The following ARHGAP12 variants were observed in gnomAD, a reference collection of about 807,000 sequenced individuals.
ARHGAP12 encodes the protein rho GTPase-activating protein 12.
A neutral mutation model predicts 108.6 loss-of-function variants in ARHGAP12; 64 were observed. That is an observed-to-expected ratio of 0.59 (90% CI 0.48 to 0.73). ARHGAP12 has a LOEUF of 0.73. ARHGAP12 is among the 30% of genes least tolerant of loss of function. The probability of loss-of-function intolerance (pLI) is 0.00; values close to 1 mark genes in which losing one functional copy is unlikely to be tolerated. For missense variants in ARHGAP12, 940 were observed against 1,005.9 expected (o/e 0.93, Z 0.89); for synonymous variants, 312 against 337.2 (o/e 0.93, Z 0.82).
At chr10:31,898,629 A>C (rs760849213) in intron 3 of ARHGAP12, among the ~76,000 whole-genome samples, 4 of 152,232 alleles carry the variant, frequency 2.6e-5, no homozygotes, top group Non-Finnish European at 5.9e-5. Flanking sequence ...TGGTCCCATA[A>C]GATTATAATA....
Position 31,908,536 on chromosome 10 carries a change from A to T in ARHGAP12, c.320T>A (p.Val107Glu), listed in dbSNP as rs1296032954. Reference protein sequence around the residue: ...SLHLQRSTENVNKLPELSSFG... With the variant: ...SLHLQRSTENENKLPELSSFG... ...ACTTGAAAGCTCAGGCAATTTGTTCACATTTTCTGTTGATCTCTGAAGATG... is the reference window on the plus strand; with the variant it reads ...ACTTGAAAGCTCAGGCAATTTGTTCTCATTTTCTGTTGATCTCTGAAGATG... The change falls in exon 3 of 20, where the codon GTG becomes GAG. Residue 107 changes from valine (V) to glutamate (E), a missense_variant. Coordinates refer to ENST00000344936, the MANE Select transcript of ARHGAP12 (RefSeq NM_018287.7). 1 of 1,614,220 alleles carries T rather than the reference A, an allele frequency of 6.2e-7. No individual in the cohort carries two copies. Among genetic ancestry groups the T allele is most frequent in the Non-Finnish European group, 8.5e-7 (1 of 1,180,034 alleles).
chr10:31,927,148 C>T (rs1840081787), intron 1 of ARHGAP12, among the ~76,000 whole-genome samples: 1 of 152,094 alleles, frequency 6.6e-6, no homozygotes, highest in African/African-American at 2.4e-5. Context: ...CGGTCTGGCT[C>T]GTCAGGTGGC....
chr10:31,826,520 T>G, intron 10 of ARHGAP12, 135 bp from the exon 11 acceptor site: 1 of 653,756 alleles, frequency 1.5e-6, no homozygotes, highest in Non-Finnish European at 2.5e-6. Flanking sequence ...ATTGTTTTTA[T>G]TGGGGATAGA....
At chr10:31,846,649 G>T (rs1836469369) in intron 6 of ARHGAP12, among the ~76,000 whole-genome samples, 1 of 152,142 alleles carries the variant, frequency 6.6e-6, no homozygotes, top group Non-Finnish European at 1.5e-5. Flanking sequence ...TCAGGGGGAG[G>T]GAGGGTCTTT....
intron 1 of ARHGAP12, among the ~76,000 whole-genome samples, chr10:31,914,403 G>A (rs1253472057): frequency 1.3e-5 from 2 of 151,530 alleles, no homozygotes; most frequent in African/African-American, 2.4e-5. Flanking sequence ...ATCTGACAAG[G>A]GGCTAACATC....
At chr10:31,808,591 A>G (rs1356087854) in intron 19 of ARHGAP12, 58 bp downstream of exon 19, 12 of 1,494,744 alleles carry the variant, frequency 8.0e-6, no homozygotes, top group South Asian at 1.2e-5. Flanking sequence ...CTGGCCCCAC[A>G]GGCCTTCCCG....
intron 3 of ARHGAP12, among the ~76,000 whole-genome samples, chr10:31,895,013 T>C (rs1838620175): frequency 6.6e-6 from 1 of 152,206 alleles, no homozygotes; most frequent in Non-Finnish European, 1.5e-5. Flanking sequence ...ATTCCCTATT[T>C]AATAAATGGT....
intron 3 of ARHGAP12, among the ~76,000 whole-genome samples, chr10:31,876,137 C>T (rs1045372080): frequency 6.6e-6 from 1 of 152,198 alleles, no homozygotes; most frequent in Non-Finnish European, 1.5e-5. Context: ...CCCTGGCTTA[C>T]AGTTCTTTGG....
rs549051111 is a variant in ARHGAP12 at position 31,898,701 on chromosome 10, C to A, written c.684+9471G>T. ...ACAAATACTTAGCACTGTGTTATAA[C>A]TGCCTACAGTATTCAGGACAGTCAC... On this transcript the variant is annotated intron_variant, in intron 3 of 19. Coordinates refer to ENST00000344936, the MANE Select transcript of ARHGAP12 (RefSeq NM_018287.7). Among the ~76,000 whole-genome samples the A allele has an allele frequency of 7.2e-5, 11 of 152,280 alleles. 1 individual carries two copies. Among genetic ancestry groups the A allele is most frequent in the African/African-American group, 2.6e-4 (11 of 41,546 alleles).
At position 31,908,904 on chromosome 10, in the gene ARHGAP12, T is replaced by C; in HGVS notation, c.-49A>G. The C allele has an allele frequency of 6.8e-7, 1 of 1,471,564 alleles. No homozygotes were observed. The highest frequency in any genetic ancestry group is 9.1e-7 in the Non-Finnish European group (1 of 1,101,518). The allele number at this position is 1,471,564 out of a possible 1,614,324, so 91.2% of individuals were successfully genotyped here. On this transcript the variant is annotated 5_prime_UTR_variant, in exon 3 of 20. In the 5' UTR this introduces an upstream ATG that the reference lacks. Coordinates refer to ENST00000344936, the MANE Select transcript of ARHGAP12 (RefSeq NM_018287.7). The stretch of plus-strand genomic sequence containing the variant: ...AGGATGTTATACCACATTATGGCTT[T>C]ATGGCTTGTTGGATGAATATAGCTG...
chr10:31,884,115 A>G lies in ARHGAP12; in HGVS notation c.685-22457T>C, dbSNP rs954190770. Among the ~76,000 whole-genome samples the G allele has an allele frequency of 1.1e-4, 15 of 139,732 alleles. No homozygotes were observed. In the South Asian group the frequency reaches 3.1e-3, roughly 29 times the overall value. 91.7% of individuals were successfully genotyped at this position (139,732 alleles called of 152,430 possible). A position where few individuals can be genotyped will look rare whatever the true frequency, so the allele number is the denominator to read the frequency against. ...CACCTAAAAAAAAAAAAAAAAAAAG[A>G]ATTTAATTCTACGTATGGTTAAAAG... is the stretch of plus-strand genomic sequence containing the variant. On this transcript the variant is annotated intron_variant, in intron 3 of 19. Transcript: ENST00000344936.
At chr10:31,864,535 C>T (rs1277219043) in intron 3 of ARHGAP12, among the ~76,000 whole-genome samples, 1 of 152,156 alleles carries the variant, frequency 6.6e-6, no homozygotes, top group African/African-American at 2.4e-5. Context: ...ATATTCAGTA[C>T]ACTGCCCAGT....
intron 3 of ARHGAP12, among the ~76,000 whole-genome samples, chr10:31,886,448 A>G (rs1261197318): frequency 6.6e-6 from 1 of 152,178 alleles, no homozygotes. Flanking sequence ...TGGCCTTTAA[A>G]TATAACACCT....
intron 3 of ARHGAP12, among the ~76,000 whole-genome samples, chr10:31,886,860 C>T (rs1426585205): frequency 1.3e-5 from 2 of 152,130 alleles, no homozygotes; most frequent in Non-Finnish European, 2.9e-5. Context: ...GGCCCAGACA[C>T]GAACACAAGA....
chr10:31,884,651 C>G (rs759201692), intron 3 of ARHGAP12, among the ~76,000 whole-genome samples: 6 of 152,232 alleles, frequency 3.9e-5, no homozygotes, highest in Non-Finnish European at 8.8e-5. Flanking sequence ...GAATGGCTCT[C>G]TTACCCACTG....
intron 12 of ARHGAP12, 151 bp downstream of exon 12, chr10:31,820,236 G>T: frequency 1.9e-6 from 1 of 519,140 alleles, no homozygotes; most frequent in Non-Finnish European, 3.2e-6. Context: ...TTTTACACCA[G>T]TTTTTTCTTA....
intron 6 of ARHGAP12, among the ~76,000 whole-genome samples, chr10:31,846,572 C>T (rs1266325829): frequency 6.6e-6 from 1 of 152,196 alleles, no homozygotes; most frequent in African/African-American, 2.4e-5. Context: ...TGATAAGGCA[C>T]TCACTTCATT....
chr10:31,845,104 C>G (rs1432526750), intron 6 of ARHGAP12, among the ~76,000 whole-genome samples: 3 of 152,082 alleles, frequency 2.0e-5, no homozygotes, highest in Non-Finnish European at 4.4e-5. Flanking sequence ...TAAACATGTT[C>G]TTAGTTACAA....
intron 5 of ARHGAP12, 131 bp downstream of exon 5, chr10:31,853,935 G>T: frequency 2.1e-6 from 2 of 943,132 alleles, no homozygotes; most frequent in Non-Finnish European, 3.0e-6. Flanking sequence ...TTGTCAATTG[G>T]CATGATTATA....
Sources: gnomAD v4.1 joint callset for allele counts (sites outside exome capture counted in the v4.1 genomes callset) on GRCh38, gnomAD v4.1.1 for gene constraint, MANE v1.5 for transcripts, NCBI Gene and HGNC (gene_info 2026-07-23, HGNC 2026-07-21) for gene names.